SPAG16: variants seen among roughly 807,000 people sequenced by gnomAD.
The protein encoded by SPAG16 is sperm-associated antigen 16 protein.
A neutral mutation model predicts 80.4 loss-of-function variants in SPAG16; 86 were observed. The ratio of observed to expected loss-of-function variants is 1.07; its 90% confidence interval spans 0.90 to 1.28. The LOEUF (loss-of-function observed/expected upper bound fraction) is 1.28, where lower values mean the gene tolerates loss of function less well. SPAG16 is among the 50% of genes most tolerant of loss of function. The probability of loss-of-function intolerance (pLI) is 0.00; values close to 1 mark genes in which losing one functional copy is unlikely to be tolerated. For synonymous variants in SPAG16, 294 were observed against 265.9 expected, an observed-to-expected ratio of 1.11 and a Z score of -1.03; for missense variants, 870 against 765.3, an observed-to-expected ratio of 1.14 and a Z score of -1.61.
At chr2:213,964,487 T>C (rs2044607429) in intron 12 of SPAG16, among the ~76,000 whole-genome samples, 1 of 152,176 alleles carries the variant, frequency 6.6e-6, no homozygotes, top group African/African-American at 2.4e-5. Context: ...ATAGTTTTTC[T>C]GGACACAGTT....
At chr2:213,689,764 G>A (rs1228105442) in intron 10 of SPAG16, among the ~76,000 whole-genome samples, 2 of 151,916 alleles carry the variant, frequency 1.3e-5, no homozygotes, top group East Asian at 3.9e-4. Flanking sequence ...CTGAATATTC[G>A]AGGAGAATTG....
At chr2:214,132,130 C>G (rs2054813113) in intron 14 of SPAG16, among the ~76,000 whole-genome samples, 1 of 152,148 alleles carries the variant, frequency 6.6e-6, no homozygotes, top group Non-Finnish European at 1.5e-5. Flanking sequence ...TAAAAATAAT[C>G]AGTGGGTATA....
At chr2:213,377,946 T>A (rs549058809) in intron 9 of SPAG16, among the ~76,000 whole-genome samples, 80 of 150,970 alleles carry the variant, frequency 5.3e-4, no homozygotes, top group Admixed American at 1.7e-3. Flanking sequence ...TAATAAGATA[T>A]ATATGGGGAG....
At chr2:214,258,471 G>GTATATATATATATATATATATATA (rs146532641) in intron 15 of SPAG16, among the ~76,000 whole-genome samples, 1 of 141,414 alleles carries the variant, frequency 7.1e-6, no homozygotes, top group Non-Finnish European at 1.5e-5. Context: ...ATGTGTGTGT[G>GTATATATATATATATATATATATA]TATATATATA....
At chr2:213,593,378 C>CCT (rs2060774291) in intron 10 of SPAG16, among the ~76,000 whole-genome samples, 1 of 152,102 alleles carries the variant, frequency 6.6e-6, no homozygotes, top group South Asian at 2.1e-4. Context: ...TTGGAAAATG[C>CCT]TTTTATCCTT....
intron 9 of SPAG16, among the ~76,000 whole-genome samples, chr2:213,426,653 G>T (rs1575561671): frequency 6.6e-6 from 1 of 151,946 alleles, no homozygotes; most frequent in East Asian, 1.9e-4. Context: ...TGGCTAGAAG[G>T]TAGATACTAT....
At chr2:214,213,273 A>T (rs1559133046) in intron 15 of SPAG16, among the ~76,000 whole-genome samples, 2 of 152,166 alleles carry the variant, frequency 1.3e-5, no homozygotes, top group African/African-American at 4.8e-5. Context: ...TTATCCACTT[A>T]TCCCCACCCC....
At chr2:214,192,279 C>T (rs1466133601) in intron 15 of SPAG16, among the ~76,000 whole-genome samples, 2 of 152,134 alleles carry the variant, frequency 1.3e-5, no homozygotes, top group South Asian at 2.1e-4. Flanking sequence ...TTTTCTCCTT[C>T]ACTGCTCATC....
intron 4 of SPAG16, 141 bp from the exon 5 acceptor site, chr2:213,317,078 T>C: frequency 2.0e-6 from 1 of 504,110 alleles, no homozygotes. Flanking sequence ...ATTATGACTG[T>C]TGGACATTTT....
rs184561591 is a variant in SPAG16 at position 214,240,005 on chromosome 2, C to T, written c.1720+90739C>T. 1.5e-4 allele frequency: 23 copies of T among 152,224 alleles called. 2 individuals carry two copies. The highest frequency in any genetic ancestry group is 5.1e-4 in the African/African-American group (21 of 41,530). 9.4% of individuals were successfully genotyped at this position (152,224 alleles called of 1,614,324 possible). Reference sequence around the variant, plus strand: ...CACCATCAAGGCCAAGTAGTCAATACCCACGCCAGATAAGCACTGTGTGCC... The same window carrying T: ...CACCATCAAGGCCAAGTAGTCAATATCCACGCCAGATAAGCACTGTGTGCC... On this transcript the variant is annotated intron_variant, in intron 15 of 15. Coordinates refer to ENST00000331683, the MANE Select transcript of SPAG16 (RefSeq NM_024532.5).
rs150168552 is a variant in SPAG16 at position 213,699,244 on chromosome 2, C to T, written c.1071-163241C>T. On this transcript the variant is annotated intron_variant, in intron 10 of 15. Transcript: ENST00000331683. ...TTCTTTATTTTTTCTGTTTTCCTTA[C>T]GTTGTTCTCCTTCTCCTCCACCTTT... Among the ~76,000 whole-genome samples the T allele has an allele frequency of 1.7e-4, 26 of 152,162 alleles. 2 individuals are homozygous for T. Among genetic ancestry groups the T allele is most frequent in the African/African-American group, 5.1e-4 (21 of 41,516 alleles).
chr2:214,210,345 C>G (rs2058258704), intron 15 of SPAG16, among the ~76,000 whole-genome samples: 1 of 151,780 alleles, frequency 6.6e-6, no homozygotes, highest in South Asian at 2.1e-4. Context: ...AAAAAACTTG[C>G]AGATGAACCA....
chr2:213,715,531 C>G (rs773372560), intron 10 of SPAG16, among the ~76,000 whole-genome samples: 8 of 152,146 alleles, frequency 5.3e-5, no homozygotes, highest in Non-Finnish European at 1.2e-4. Context: ...GTGTTGTACT[C>G]TCTGTTCCTC....
chr2:214,121,361 A>G (rs1262659594), intron 14 of SPAG16, among the ~76,000 whole-genome samples: 1 of 151,836 alleles, frequency 6.6e-6, no homozygotes, highest in Admixed American at 6.6e-5. Context: ...TTTAATTATC[A>G]GGACAGATTC....
At chr2:213,834,008 C>T (rs544278185) in intron 10 of SPAG16, among the ~76,000 whole-genome samples, 3 of 152,122 alleles carry the variant, frequency 2.0e-5, no homozygotes, top group Non-Finnish European at 2.9e-5. Context: ...GAAATCGAAT[C>T]GTGGGGGCTG....
At chr2:214,238,804 T>A (rs1689253472) in intron 15 of SPAG16, 1 of 151,940 alleles carries the variant, frequency 6.6e-6, no homozygotes, top group South Asian at 2.1e-4. Context: ...AATAGAAACA[T>A]CTTTGTTCAC....
At chr2:213,296,020 TTTA>T in intron 1 of SPAG16, 41 bp from the exon 2 acceptor site, 1 of 1,559,660 alleles carries the variant, frequency 6.4e-7, no homozygotes, top group Non-Finnish European at 8.8e-7. Flanking sequence ...GTGCAATAAT[TTTA>T]TTCTATATTT....
intron 12 of SPAG16, among the ~76,000 whole-genome samples, chr2:214,004,996 A>T (rs992692863): frequency 6.6e-6 from 1 of 152,234 alleles, no homozygotes; most frequent in East Asian, 1.9e-4. Flanking sequence ...TGCTTAGAAC[A>T]CTAAGCACTC....
At chr2:214,142,486 C>G (rs556397655) in intron 14 of SPAG16, among the ~76,000 whole-genome samples, 1 of 152,142 alleles carries the variant, frequency 6.6e-6, no homozygotes, top group African/African-American at 2.4e-5. Flanking sequence ...CTGATCATCT[C>G]TTTTAACTCC....
Sources: gnomAD v4.1 joint callset for allele counts (sites outside exome capture counted in the v4.1 genomes callset) on GRCh38, gnomAD v4.1.1 for gene constraint, MANE v1.5 for transcripts, NCBI Gene and HGNC (gene_info 2026-07-23, HGNC 2026-07-21) for gene names.